MAP2: variants seen among roughly 807,000 people sequenced by gnomAD.
MAP2 encodes microtubule-associated protein 2.
A neutral mutation model predicts 137.6 loss-of-function variants in MAP2; 14 were observed. The ratio of observed to expected loss-of-function variants is 0.10; its 90% CI spans 0.07 to 0.16. The LOEUF (loss-of-function observed/expected upper bound fraction) is 0.16, where lower values mean the gene tolerates loss of function less well. MAP2 is among the 10% of genes least tolerant of loss of function. The probability of loss-of-function intolerance (pLI) is 1.00; values close to 1 mark genes in which losing one functional copy is unlikely to be tolerated. For synonymous variants in MAP2, 786 were observed against 782.3 expected (o/e 1.00, Z -0.08); for missense variants, 2,088 against 2,191.5 (o/e 0.95, Z 0.94).
intron 2 of MAP2, among the ~76,000 whole-genome samples, chr2:209,538,405 G>C (rs1483975090): frequency 1.3e-5 from 2 of 151,874 alleles, no homozygotes; most frequent in Non-Finnish European, 2.9e-5. Flanking sequence ...ATTTGTTCAA[G>C]TTCCTCAAAT....
In MAP2 at chr2:209,722,517, T is replaced by G. The variant is rs547083226; in HGVS notation, c.5074-3192T>G. 1.7e-4 allele frequency among the ~76,000 whole-genome samples: 25 copies of G among 148,198 alleles called. No homozygotes were observed. In the East Asian group the frequency reaches 2.5e-3, roughly 15 times the overall value. On this transcript the variant is annotated intron_variant, in intron 13 of 15. Transcript: ENST00000682079. ...GTCCCCTAAAGCATTGAAAATGTTGTTTTTTTTTCTTTAGCTATTGCAGAG... is the reference window on the plus strand; with the variant it reads ...GTCCCCTAAAGCATTGAAAATGTTGGTTTTTTTTCTTTAGCTATTGCAGAG...
At chr2:209,525,225 T>G (rs2063848045) in intron 2 of MAP2, among the ~76,000 whole-genome samples, 4 of 152,186 alleles carry the variant, frequency 2.6e-5, no homozygotes, top group Admixed American at 2.6e-4. Flanking sequence ...TTTTTAAAAC[T>G]TAGAGTCACA....
chr2:209,729,708 A>G, intron 14 of MAP2, 142 bp from the exon 15 acceptor site: 1 of 604,952 alleles, frequency 1.7e-6, no homozygotes, highest in Non-Finnish European at 3.0e-6. Flanking sequence ...ATTCTAAAAG[A>G]CTCTTTTTAC....
intron 1 of MAP2, among the ~76,000 whole-genome samples, chr2:209,458,008 G>A (rs1701938777): frequency 6.6e-6 from 1 of 152,106 alleles, no homozygotes; most frequent in Non-Finnish European, 1.5e-5. Context: ...ATTTTAAAAG[G>A]CTGCACTATG....
intron 4 of MAP2, among the ~76,000 whole-genome samples, chr2:209,631,377 C>T (rs2093031038): frequency 6.6e-6 from 1 of 152,054 alleles, no homozygotes; most frequent in Admixed American, 6.6e-5. Flanking sequence ...GTTTGGGATG[C>T]TTTAAAACCT....
intron 13 of MAP2, among the ~76,000 whole-genome samples, chr2:209,724,958 G>A (rs1342052968): frequency 1.3e-5 from 2 of 152,182 alleles, no homozygotes; most frequent in Non-Finnish European, 2.9e-5. Flanking sequence ...AGTAAGTAGA[G>A]GAGCTTTATC....
intron 3 of MAP2, among the ~76,000 whole-genome samples, chr2:209,590,613 G>A (rs567265425): frequency 6.6e-6 from 1 of 152,140 alleles, no homozygotes; most frequent in Non-Finnish European, 1.5e-5. Context: ...GAGATTACAG[G>A]TGTCAGCCAC....
chr2:209,514,182 T>C (rs2062128850), intron 2 of MAP2, among the ~76,000 whole-genome samples: 1 of 152,116 alleles, frequency 6.6e-6, no homozygotes, highest in Non-Finnish European at 1.5e-5. Flanking sequence ...GATATGTTTT[T>C]TTAATACAAA....
chr2:209,494,643 G>A (rs2059536598), intron 1 of MAP2, among the ~76,000 whole-genome samples: 3 of 152,234 alleles, frequency 2.0e-5, no homozygotes, highest in South Asian at 2.1e-4. Context: ...TCATACAAAT[G>A]GACAACCAAC....
intron 5 of MAP2, among the ~76,000 whole-genome samples, chr2:209,664,777 T>C (rs1331446657): frequency 2.0e-5 from 3 of 151,318 alleles, no homozygotes; most frequent in Non-Finnish European, 4.4e-5. Flanking sequence ...CTGGCCAACA[T>C]TGTGAAATCC....
chr2:209,667,703 A>G (rs990267949), intron 5 of MAP2, among the ~76,000 whole-genome samples: 1 of 151,964 alleles, frequency 6.6e-6, no homozygotes, highest in African/African-American at 2.4e-5. Flanking sequence ...CTGATTTTCC[A>G]TATCCTCAAC....
intron 2 of MAP2, among the ~76,000 whole-genome samples, chr2:209,567,663 A>G (rs578171820): frequency 2.6e-5 from 4 of 152,198 alleles, no homozygotes; most frequent in East Asian, 1.9e-4. Context: ...TATGTTTGCT[A>G]TTAGTAGCAA....
chr2:209,593,020 C>A (rs1180247918), intron 3 of MAP2, among the ~76,000 whole-genome samples: 1 of 151,810 alleles, frequency 6.6e-6, no homozygotes, highest in East Asian at 1.9e-4. Flanking sequence ...TTTAGTCCTG[C>A]TAATTCTATT....
chr2:209,501,113 A>G (rs776893822), intron 1 of MAP2, among the ~76,000 whole-genome samples: 7 of 151,382 alleles, frequency 4.6e-5, no homozygotes, highest in Admixed American at 6.6e-5. Flanking sequence ...AAACATTTCC[A>G]TTTTTTTAAA....
intron 5 of MAP2, among the ~76,000 whole-genome samples, chr2:209,667,553 A>T (rs565520996): frequency 1.6e-4 from 24 of 152,112 alleles, no homozygotes; most frequent in African/African-American, 5.8e-4. Flanking sequence ...TTTCATTTTG[A>T]AAAACAAAGG....
intron 2 of MAP2, among the ~76,000 whole-genome samples, chr2:209,520,477 C>T (rs972114767): frequency 2.5e-4 from 38 of 152,036 alleles, no homozygotes; most frequent in African/African-American, 9.2e-4. Context: ...AATAATGAAG[C>T]AGCAGCCTTT....
intron 3 of MAP2, among the ~76,000 whole-genome samples, chr2:209,609,419 G>A (rs1361079729): frequency 1.3e-5 from 2 of 151,976 alleles, no homozygotes; most frequent in African/African-American, 4.8e-5. Flanking sequence ...TATTAACAGA[G>A]TTATGCAAGC....
chr2:209,693,198 C>A lies in MAP2; in HGVS notation c.1028C>A (p.Ala343Asp), dbSNP rs760316421. ...ACAGAAACATCGCCCTTTGCCCCTGCCTTTTTACAGCCAGATGACAAAAAA... is the reference window on the plus strand; with the variant it reads ...ACAGAAACATCGCCCTTTGCCCCTGACTTTTTACAGCCAGATGACAAAAAA... ...IVTETSPFAPAFLQPDDKKSL... is the reference protein window; with the variant it reads ...IVTETSPFAPDFLQPDDKKSL... Residue 343 changes from alanine to aspartate, a missense_variant, in exon 8 of 16, where the codon GCC (alanine) becomes GAC (aspartate). Physicochemically the swap from Ala to Asp is moderately radical, Grantham distance 126. Around this residue, in one of 6 missense-constraint regions of MAP2, gnomAD observed 859 missense variants for 794.5 expected, o/e 1.08. Coordinates refer to ENST00000682079, the MANE Select transcript of MAP2 (RefSeq NM_001375505.1). The A allele has an allele frequency of 1.2e-6, 2 of 1,612,482 alleles. No homozygotes were observed. The highest frequency in any genetic ancestry group is 2.2e-5 in the East Asian group (1 of 44,862).
chr2:209,649,237 G>A (rs558623721), intron 4 of MAP2, among the ~76,000 whole-genome samples: 1 of 152,002 alleles, frequency 6.6e-6, no homozygotes, highest in Non-Finnish European at 1.5e-5. Context: ...GGCTGGTCTT[G>A]AACTCCTGGA....
Sources: allele counts gnomAD v4.1 joint callset (sites outside exome capture counted in the v4.1 genomes callset), GRCh38; gene constraint gnomAD v4.1.1; regional missense constraint gnomAD v4.1.1; transcripts MANE v1.5; gene names NCBI Gene and HGNC (gene_info 2026-07-23, HGNC 2026-07-21).